The following EGFLAM variants were observed in gnomAD, a reference collection of about 807,000 sequenced individuals.
EGFLAM encodes the protein EGF like, fibronectin type III and laminin G domains.
A neutral mutation model predicts 113.1 loss-of-function variants in EGFLAM; 79 were observed. The observed-to-expected ratio is 0.70, with a 90% CI of 0.58 to 0.84. The LOEUF is 0.84. Ranked by LOEUF, EGFLAM falls within the 40% of genes least tolerant of loss-of-function variation. The pLI is 0.00. For synonymous variants in EGFLAM, 504 were observed against 487.6 expected, an observed-to-expected ratio of 1.03 and a Z score of -0.44; for missense variants, 1,265 against 1,291.6, an observed-to-expected ratio of 0.98 and a Z score of 0.32.
At chr5:38,367,267 CTT>C (rs746689355) in intron 5 of EGFLAM, among the ~76,000 whole-genome samples, 11 of 137,974 alleles carry the variant, frequency 8.0e-5, no homozygotes, top group East Asian at 2.1e-4. Flanking sequence ...CCACCCCAGA[CTT>C]TTTTTTTTTT....
intron 1 of EGFLAM, among the ~76,000 whole-genome samples, chr5:38,303,951 T>A (rs1393599795): frequency 6.6e-6 from 1 of 151,370 alleles, no homozygotes; most frequent in Admixed American, 6.6e-5. Flanking sequence ...GCCTGGCCAA[T>A]ATGGTGAAAC....
intron 1 of EGFLAM, among the ~76,000 whole-genome samples, chr5:38,292,005 G>A (rs913831986): frequency 1.3e-5 from 2 of 152,128 alleles, no homozygotes; most frequent in Non-Finnish European, 2.9e-5. Context: ...AACCTGTGAA[G>A]TTTTCTAACA....
intron 10 of EGFLAM, among the ~76,000 whole-genome samples, chr5:38,409,822 A>C (rs1315919085): frequency 6.6e-6 from 1 of 152,040 alleles, no homozygotes; most frequent in Non-Finnish European, 1.5e-5. Flanking sequence ...TTTCTCCCCC[A>C]ACACACTTTG....
intron 1 of EGFLAM, among the ~76,000 whole-genome samples, chr5:38,263,730 T>C (rs1410815886): frequency 6.6e-6 from 1 of 152,246 alleles, no homozygotes; most frequent in Non-Finnish European, 1.5e-5. Context: ...TGTTTCCCTA[T>C]GTTTTATTGC....
chr5:38,425,608 C>G (rs1174393242), intron 13 of EGFLAM, among the ~76,000 whole-genome samples: 1 of 152,196 alleles, frequency 6.6e-6, no homozygotes, highest in East Asian at 1.9e-4. Context: ...GTAATGAGAA[C>G]TCACTCATCT....
intron 5 of EGFLAM, among the ~76,000 whole-genome samples, chr5:38,357,864 CTTT>C (rs796951086): frequency 4.3e-5 from 5 of 115,784 alleles, no homozygotes; most frequent in Admixed American, 8.7e-5. Context: ...AACAAATTTT[CTTT>C]TTTTTTTTTT....
At chr5:38,359,078 T>C (rs1739850827) in intron 5 of EGFLAM, among the ~76,000 whole-genome samples, 1 of 152,070 alleles carries the variant, frequency 6.6e-6, no homozygotes, top group South Asian at 2.1e-4. Context: ...TGAGAAACCT[T>C]CCCCCTTCTG....
At chr5:38,351,897 AG>A (rs911491732) in intron 4 of EGFLAM, among the ~76,000 whole-genome samples, 4 of 152,322 alleles carry the variant, frequency 2.6e-5, no homozygotes, top group African/African-American at 7.2e-5. Context: ...TCCCAGGATC[AG>A]TGGCTGGGAC....
At chr5:38,449,793 G>T (rs2731978) in intron 18 of EGFLAM, among the ~76,000 whole-genome samples, 3,478 of 152,214 alleles carry the variant, frequency 0.023, 120 homozygotes, top group African/African-American at 0.081. Flanking sequence ...GTAACAGAAA[G>T]TTCAGCTTAA....
intron 1 of EGFLAM, among the ~76,000 whole-genome samples, chr5:38,326,763 A>G (rs1177669447): frequency 2.0e-5 from 3 of 149,308 alleles, no homozygotes; most frequent in Non-Finnish European, 3.0e-5. Context: ...AAGTGCTGGG[A>G]TTACAGGCGT....
At chr5:38,411,261 C>G (rs1484951212) in intron 10 of EGFLAM, among the ~76,000 whole-genome samples, 2 of 151,926 alleles carry the variant, frequency 1.3e-5, no homozygotes, top group African/African-American at 4.8e-5. Flanking sequence ...AACCACGTCT[C>G]TACTAAAAAT....
intron 1 of EGFLAM, among the ~76,000 whole-genome samples, chr5:38,308,023 T>C (rs999916179): frequency 3.3e-5 from 5 of 152,246 alleles, no homozygotes; most frequent in African/African-American, 1.2e-4. Context: ...GGTTATTCCA[T>C]CACCATACTG....
intron 1 of EGFLAM, among the ~76,000 whole-genome samples, chr5:38,328,455 T>C (rs994133255): frequency 8.5e-5 from 13 of 152,174 alleles, no homozygotes; most frequent in Non-Finnish European, 1.8e-4. Context: ...ATCAGATTTC[T>C]GGAGGCCCAA....
At chr5:38,426,946 T>C in intron 13 of EGFLAM, 63 bp from the exon 14 acceptor site, 1 of 1,588,316 alleles carries the variant, frequency 6.3e-7, no homozygotes, top group Non-Finnish European at 8.6e-7. Context: ...AACACAGCTA[T>C]GGGTGCACAT....
chr5:38,337,325 C>G (rs1167119825), intron 1 of EGFLAM, among the ~76,000 whole-genome samples, 195 bp from the exon 2 acceptor site: 3 of 152,070 alleles, frequency 2.0e-5, no homozygotes, highest in Non-Finnish European at 2.9e-5. Context: ...TCTACTGATG[C>G]CAGGTTGGGA....
At chr5:38,321,378 C>A (rs532589290) in intron 1 of EGFLAM, among the ~76,000 whole-genome samples, 1 of 152,276 alleles carries the variant, frequency 6.6e-6, no homozygotes, top group South Asian at 2.1e-4. Flanking sequence ...CTCACTCACC[C>A]ACCACTCAAC....
At chr5:38,336,500 G>A (rs1298645799) in intron 1 of EGFLAM, among the ~76,000 whole-genome samples, 2 of 151,916 alleles carry the variant, frequency 1.3e-5, no homozygotes, top group African/African-American at 4.8e-5. Flanking sequence ...CGTGAACCCG[G>A]GAGGCGGGGC....
intron 6 of EGFLAM, among the ~76,000 whole-genome samples, chr5:38,404,308 G>A (rs951669600): frequency 1.3e-5 from 2 of 152,150 alleles, no homozygotes; most frequent in Non-Finnish European, 2.9e-5. Context: ...CATAAGGGTG[G>A]AGTCCTTGTG....
intron 11 of EGFLAM, among the ~76,000 whole-genome samples, chr5:38,413,067 G>C (rs1254217057): frequency 6.6e-6 from 1 of 152,058 alleles, no homozygotes; most frequent in Non-Finnish European, 1.5e-5. Flanking sequence ...TGTCCCCCAG[G>C]CTGGAGTACA....
Sources: allele counts gnomAD v4.1 joint callset (sites outside exome capture counted in the v4.1 genomes callset), GRCh38; gene constraint gnomAD v4.1.1; transcripts MANE v1.5; gene names NCBI Gene and HGNC (gene_info 2026-07-23, HGNC 2026-07-21).